THNSL2: variants seen among roughly 807,000 people sequenced by gnomAD.
THNSL2 encodes threonine synthase-like 2.
A neutral mutation model predicts 40.0 loss-of-function variants in THNSL2; 34 were observed. That is an observed-to-expected ratio of 0.85 (90% CI 0.65 to 1.13). The LOEUF is 1.13. THNSL2 is among the 50% of genes most tolerant of loss of function. The pLI, the probability that THNSL2 is intolerant of heterozygous loss-of-function variation, is 0.00. For missense variants in THNSL2, 537 were observed against 608.8 expected (o/e 0.88, Z 1.24); for synonymous variants, 241 against 247.5 (o/e 0.97, Z 0.25).
In THNSL2 at chr2:88,178,877, G is replaced by C. The variant is rs777566371; in HGVS notation, c.666G>C (p.Ser222=). ...AGCACAATCTGATGAGCCTGAATTC[G>C]ATCAACTGGTCCCGGGTCCTGGTGC... ...VKKHNLMSLN[S]INWSRVLVQM... is the part of the protein sequence containing the mutation. Residue 222 remains serine, a synonymous_variant, in exon 5 of 9, where the codon TCG becomes TCC. Coordinates refer to ENST00000674334, the MANE Select transcript of THNSL2 (RefSeq NM_018271.5). 1.9e-6 allele frequency: 3 copies of C among 1,614,184 alleles called. No homozygotes were observed. Among genetic ancestry groups the C allele is most frequent in the Non-Finnish European group, 2.5e-6 (3 of 1,180,040 alleles).
chr2:88,180,501 G>A (rs549977701), intron 5 of THNSL2, among the ~76,000 whole-genome samples: 1 of 152,206 alleles, frequency 6.6e-6, no homozygotes, highest in Admixed American at 6.5e-5. Context: ...GAACCTGGGA[G>A]GTGGAGGTTG....
chr2:88,176,777 G>T (rs1456407033), intron 4 of THNSL2: 2 of 152,190 alleles, frequency 1.3e-5, no homozygotes, highest in Non-Finnish European at 2.9e-5. Flanking sequence ...CCATGGTTTA[G>T]CTAATGCAGG....
At position 88,186,060 on chromosome 2, in the gene THNSL2, T is replaced by G; in HGVS notation, c.1392T>G (p.Leu464=). The change falls in exon 9 of 9, where the codon CTT becomes CTG. Residue 464 remains leucine, a synonymous_variant. Coordinates refer to ENST00000674334, the MANE Select transcript of THNSL2 (RefSeq NM_018271.5). The part of the protein sequence containing the change: ...MRRGDNWMLM[L]RDTIEDLSRQ... ...GAGGTGACAACTGGATGCTGATGCT[T>G]CGGGACACCATTGAGGACCTTAGCC... 6.3e-7 allele frequency: 1 copy of G among 1,585,778 alleles called. No individual in the cohort carries two copies. Among genetic ancestry groups the G allele is most frequent in the Non-Finnish European group, 8.6e-7 (1 of 1,165,906 alleles).
chr2:88,181,789 C>T (rs372205687), intron 5 of THNSL2, among the ~76,000 whole-genome samples: 3 of 152,188 alleles, frequency 2.0e-5, no homozygotes, highest in South Asian at 2.1e-4. Context: ...AGACCACCTC[C>T]TTCGCCAGCC....
chr2:88,180,862 G>C (rs1411810504), intron 5 of THNSL2, among the ~76,000 whole-genome samples: 1 of 152,154 alleles, frequency 6.6e-6, no homozygotes, highest in Non-Finnish European at 1.5e-5. Context: ...AGGAGGCTGA[G>C]TCGAGGGAGG....
chr2:88,175,986 T>G (rs1676893403), intron 4 of THNSL2: 1 of 152,524 alleles, frequency 6.6e-6, no homozygotes, highest in East Asian at 1.9e-4. Context: ...TAGTCCCAGC[T>G]ACTCCAAAGG....
intron 2 of THNSL2, among the ~76,000 whole-genome samples, chr2:88,173,865 T>C (rs184715137): frequency 1.3e-5 from 2 of 152,302 alleles, no homozygotes; most frequent in East Asian, 3.9e-4. Context: ...TCTGATTCAG[T>C]AGGTCTGGGG....
At chr2:88,171,569 C>G (rs557224167) in intron 1 of THNSL2, 12 of 280,534 alleles carry the variant, frequency 4.3e-5, no homozygotes, top group African/African-American at 2.5e-4. Flanking sequence ...GAAGGCCTTT[C>G]TGTTACTCCA....
intron 5 of THNSL2, among the ~76,000 whole-genome samples, chr2:88,182,118 G>A (rs1677759035): frequency 6.6e-6 from 1 of 152,074 alleles, no homozygotes; most frequent in African/African-American, 2.4e-5. Context: ...CTTCTTTTGG[G>A]TACATAACTA....
At position 88,185,207 on chromosome 2, in the gene THNSL2, C is replaced by T. The variant is rs1213552043; in HGVS notation, c.1078-121C>T. ...TACTGTGAGCCACATCTGAGCCATT[C>T]GGTCTGAATGTCCCACTGGATCCCT... On this transcript the variant is annotated intron_variant, in intron 7 of 8. Coordinates refer to ENST00000674334, the MANE Select transcript of THNSL2 (RefSeq NM_018271.5). The T allele has an allele frequency of 1.4e-5, 19 of 1,370,232 alleles. No individual in the cohort carries two copies. The Admixed American group carries it at 1.5e-4, about 11-fold the overall frequency. The allele number at this position is 1,370,232 out of a possible 1,614,324, so 84.9% of individuals were successfully genotyped here. A position where few individuals can be genotyped will look rare whatever the true frequency, so the allele number is the denominator to read the frequency against.
intron 8 of THNSL2, 139 bp from the exon 9 acceptor site, chr2:88,185,759 A>G (rs1678220229): frequency 9.7e-6 from 15 of 1,545,990 alleles, no homozygotes; most frequent in South Asian, 2.4e-5. Flanking sequence ...CAAGGTGCCA[A>G]TTGTCTGTCT....
At chr2:88,180,218 C>T (rs1165490158) in intron 5 of THNSL2, among the ~76,000 whole-genome samples, 1 of 152,220 alleles carries the variant, frequency 6.6e-6, no homozygotes, top group Non-Finnish European at 1.5e-5. Context: ...GAGGGTGTTC[C>T]TATCCATCTT....
chr2:88,178,711 C>G, intron 4 of THNSL2, 72 bp from the exon 5 acceptor site: 3 of 1,539,862 alleles, frequency 1.9e-6, no homozygotes, highest in Non-Finnish European at 2.7e-6. Flanking sequence ...AGGGCCCTGT[C>G]GCAGGTGAGT....
At chr2:88,183,760 C>G (rs1377555024) in intron 7 of THNSL2, 1 of 149,916 alleles carries the variant, frequency 6.7e-6, no homozygotes, top group East Asian at 2.0e-4. Flanking sequence ...TTAATGCAAC[C>G]TGGTGATGGT....
At chr2:88,173,517 T>C in intron 2 of THNSL2, 144 bp downstream of exon 2, 1 of 559,476 alleles carries the variant, frequency 1.8e-6, no homozygotes, top group Middle Eastern at 5.2e-4. Context: ...GACTCTAGAA[T>C]CCCAGAATTG....
chr2:88,180,410 A>G (rs1458525145), intron 5 of THNSL2, among the ~76,000 whole-genome samples: 1 of 152,156 alleles, frequency 6.6e-6, no homozygotes, highest in East Asian at 1.9e-4. Flanking sequence ...TGTCTCTACT[A>G]AAAATACAAA....
intron 7 of THNSL2, among the ~76,000 whole-genome samples, chr2:88,184,847 T>G (rs1374179040): frequency 6.6e-6 from 1 of 152,208 alleles, no homozygotes; most frequent in Admixed American, 6.5e-5. Flanking sequence ...TTTGGTGTAT[T>G]GTAAGCATGC....
In THNSL2 at chr2:88,173,471, A is replaced by C. The variant is rs1177765343; in HGVS notation, c.223+98A>C. 1.7e-5 allele frequency: 14 copies of C among 840,738 alleles called. No individual in the cohort carries two copies. In the East Asian group the frequency reaches 3.8e-4, roughly 23 times the overall value. 52.1% of individuals were successfully genotyped at this position (840,738 alleles called of 1,614,324 possible). On this transcript the variant is annotated intron_variant, in intron 2 of 8. Transcript: ENST00000674334. ...CCAAACCACTAGGAAGTCTCTAGTC[A>C]CATTTCTTCTCAAACTTTGTTTTAT...
intron 7 of THNSL2, 129 bp from the exon 8 acceptor site, chr2:88,185,199 G>A: frequency 1.5e-6 from 2 of 1,311,136 alleles, no homozygotes; most frequent in South Asian, 3.0e-5. Context: ...AGCCACATCT[G>A]AGCCATTCGG....
Sources: allele counts gnomAD v4.1 joint callset (sites outside exome capture counted in the v4.1 genomes callset), GRCh38; gene constraint gnomAD v4.1.1; transcripts MANE v1.5; gene names NCBI Gene and HGNC (gene_info 2026-07-23, HGNC 2026-07-21).